RFX3: variants seen among roughly 807,000 people sequenced by gnomAD.
RFX3 encodes the protein regulatory factor X3.
Under a neutral mutation model 98.6 loss-of-function variants are expected in RFX3, and 14 were observed. The observed-to-expected ratio is 0.14, with a 90% confidence interval of 0.09 to 0.22. The LOEUF is 0.22. Ranked by LOEUF, RFX3 falls within the 10% of genes least tolerant of loss-of-function variation. The pLI, the probability that RFX3 is intolerant of heterozygous loss-of-function variation, is 1.00. For synonymous variants in RFX3, 383 were observed against 328.4 expected (o/e 1.17, Z -1.80); for missense variants, 639 against 926.9 (o/e 0.69, Z 4.03).
intron 2 of RFX3, among the ~76,000 whole-genome samples, chr9:3,361,644 A>T (rs912053362): frequency 6.9e-6 from 1 of 145,480 alleles, no homozygotes; most frequent in Non-Finnish European, 1.5e-5. Flanking sequence ...AAACATAGTG[A>T]GACCTTGTTT....
intron 1 of RFX3, among the ~76,000 whole-genome samples, chr9:3,418,505 A>T (rs1843168688): frequency 6.6e-6 from 1 of 151,822 alleles, no homozygotes; most frequent in Non-Finnish European, 1.5e-5. Flanking sequence ...TCAGCCTCCC[A>T]AGTAGCTAGG....
At chr9:3,352,384 G>T (rs958946949) in intron 2 of RFX3, among the ~76,000 whole-genome samples, 6 of 151,646 alleles carry the variant, frequency 4.0e-5, no homozygotes, top group Non-Finnish European at 8.8e-5. Flanking sequence ...AGAGGTGAGG[G>T]GGTGAAAAAA....
chr9:3,328,740 C>A (rs1832220867), intron 4 of RFX3, among the ~76,000 whole-genome samples: 1 of 152,130 alleles, frequency 6.6e-6, no homozygotes, highest in South Asian at 2.1e-4. Flanking sequence ...TACAAATACA[C>A]AAAGTATATA....
At chr9:3,339,427 A>G (rs1323156545) in intron 3 of RFX3, among the ~76,000 whole-genome samples, 1 of 152,250 alleles carries the variant, frequency 6.6e-6, no homozygotes, top group Non-Finnish European at 1.5e-5. Context: ...TTAAGTCTCG[A>G]AAGTTTTTCA....
In RFX3 at chr9:3,466,511, G is replaced by A. The variant is rs566076894; in HGVS notation, c.-9+59236C>T. 7.2e-5 allele frequency among the ~76,000 whole-genome samples: 11 copies of A among 152,226 alleles called. No individual in the cohort carries two copies. The South Asian group carries it at 1.7e-3, about 23-fold the overall frequency. ...GGAAAAAATGAAATCTATTAGTATA[G>A]GTTGGCACAAAAGTAATTGTGGCTT... On this transcript the variant is annotated intron_variant, in intron 1 of 16. Coordinates refer to ENST00000617270, the MANE Select transcript of RFX3 (RefSeq NM_001282116.2).
intron 4 of RFX3, among the ~76,000 whole-genome samples, chr9:3,302,793 A>G (rs1259982228): frequency 1.3e-5 from 2 of 151,792 alleles, no homozygotes; most frequent in East Asian, 3.9e-4. Flanking sequence ...CTTTATGGTA[A>G]AACACTTTAT....
chr9:3,346,418 AG>A (rs1834447297), intron 3 of RFX3, among the ~76,000 whole-genome samples: 2 of 152,334 alleles, frequency 1.3e-5, no homozygotes, highest in South Asian at 4.1e-4. Context: ...CTACATAGGA[AG>A]AACTATTAAA....
chr9:3,404,100 T>G (rs980704139), intron 1 of RFX3, among the ~76,000 whole-genome samples: 2 of 152,106 alleles, frequency 1.3e-5, no homozygotes, highest in South Asian at 4.1e-4. Context: ...ATAGAAACAA[T>G]ATACCCCATT....
At chr9:3,289,942 A>T (rs550189987) in intron 6 of RFX3, among the ~76,000 whole-genome samples, 75 of 151,956 alleles carry the variant, frequency 4.9e-4, no homozygotes, top group South Asian at 4.2e-3. Flanking sequence ...AGTTCATTTT[A>T]AAAAAAAGTA....
intron 12 of RFX3, among the ~76,000 whole-genome samples, chr9:3,263,519 G>C (rs956120703): frequency 6.6e-6 from 1 of 152,010 alleles, no homozygotes; most frequent in Non-Finnish European, 1.5e-5. Context: ...AAGAGATCTG[G>C]ACATTCCTAC....
At chr9:3,334,094 C>CA (rs1340428276) in intron 3 of RFX3, among the ~76,000 whole-genome samples, 6 of 149,868 alleles carry the variant, frequency 4.0e-5, no homozygotes, top group African/African-American at 1.2e-4. Flanking sequence ...ACCATTATGT[C>CA]AAAAAAAAAG....
At chr9:3,247,374 G>A in intron 15 of RFX3, 1 of 962,228 alleles carries the variant, frequency 1.0e-6, no homozygotes, top group African/African-American at 1.8e-5. Context: ...TTGAAAATCA[G>A]ACTGTGTTTG....
At chr9:3,498,062 A>G (rs1851238807) in intron 1 of RFX3, among the ~76,000 whole-genome samples, 1 of 152,008 alleles carries the variant, frequency 6.6e-6, no homozygotes, top group South Asian at 2.1e-4. Flanking sequence ...TCTAGCAGCT[A>G]TATGAGGATC....
rs534716985 is a variant in RFX3 at position 3,295,413 on chromosome 9, A to G, written c.550-2155T>C. Among the ~76,000 whole-genome samples the G allele has an allele frequency of 3.0e-3, 455 of 152,152 alleles. 1 individual carries two copies. Among genetic ancestry groups the G allele is most frequent in the African/African-American group, 0.01 (434 of 41,540 alleles). On this transcript the variant is annotated intron_variant, in intron 5 of 16. Coordinates refer to ENST00000617270, the MANE Select transcript of RFX3 (RefSeq NM_001282116.2). ...GCTGGTTCTTGTTTTGTGTACATATACTAGACAGAGCAAGGGTTGACCACC... is the reference window on the plus strand; with the variant it reads ...GCTGGTTCTTGTTTTGTGTACATATGCTAGACAGAGCAAGGGTTGACCACC...
intron 16 of RFX3, among the ~76,000 whole-genome samples, chr9:3,228,491 T>A (rs978642659): frequency 2.0e-5 from 3 of 152,212 alleles, no homozygotes; most frequent in African/African-American, 7.2e-5. Context: ...TCTTTTTTCT[T>A]GCCTGGTGGG....
At chr9:3,320,415 G>A (rs1831129083) in intron 4 of RFX3, among the ~76,000 whole-genome samples, 1 of 151,902 alleles carries the variant, frequency 6.6e-6, no homozygotes, top group African/African-American at 2.4e-5. Context: ...CTAGCCGGGT[G>A]TGGTGGCGCA....
At chr9:3,266,106 C>A in intron 12 of RFX3, 102 bp downstream of exon 12, 1 of 606,560 alleles carries the variant, frequency 1.6e-6, no homozygotes, top group Non-Finnish European at 2.8e-6. Context: ...TATGTTATAA[C>A]CTCAACATTT....
chr9:3,511,650 G>GT (rs1817675234), intron 1 of RFX3, among the ~76,000 whole-genome samples: 1 of 151,996 alleles, frequency 6.6e-6, no homozygotes, highest in Non-Finnish European at 1.5e-5. Flanking sequence ...TGACTCAACT[G>GT]TTTACTCAAA....
At chr9:3,453,835 C>A (rs991629159) in intron 1 of RFX3, 1 of 151,730 alleles carries the variant, frequency 6.6e-6, no homozygotes, top group East Asian at 1.9e-4. Context: ...TGGCATTATC[C>A]CAGAAGATGG....
Sources: allele counts gnomAD v4.1 joint callset (sites outside exome capture counted in the v4.1 genomes callset), GRCh38; gene constraint gnomAD v4.1.1; transcripts MANE v1.5; gene names NCBI Gene and HGNC (gene_info 2026-07-23, HGNC 2026-07-21).